Variants in HPSE2 observed in about 807,000 individuals in gnomAD.
The protein encoded by HPSE2 is inactive heparanase-2.
In HPSE2, 38 loss-of-function variants were observed where a neutral mutation model predicts 60.5. The ratio of observed to expected loss-of-function variants is 0.63; its 90% CI spans 0.48 to 0.82. HPSE2 has a LOEUF of 0.82. Ranked by LOEUF, HPSE2 falls within the 40% of genes least tolerant of loss-of-function variation. The pLI, the probability that HPSE2 is intolerant of heterozygous loss-of-function variation, is 0.00. For synonymous variants in HPSE2, 295 were observed against 293.2 expected, an observed-to-expected ratio of 1.01 and a Z score of -0.06; for missense variants, 713 against 740.4, an observed-to-expected ratio of 0.96 and a Z score of 0.43.
chr10:98,605,633 G>A lies in HPSE2; in HGVS notation c.1320+9271C>T, dbSNP rs577428485. Among the ~76,000 whole-genome samples, 4 of 152,306 alleles carry A rather than the reference G, an allele frequency of 2.6e-5. No homozygotes were observed. In the South Asian group the frequency reaches 8.3e-4, roughly 32 times the overall value. On this transcript the variant is annotated intron_variant, in intron 9 of 11. Coordinates refer to ENST00000370552, the MANE Select transcript of HPSE2 (RefSeq NM_021828.5). ...TTCAGTCGGGGATCCCAGATAAAGG[G>A]CCAGGCAGTGAGATACACCACTATT... is the stretch of plus-strand genomic sequence containing the variant.
intron 3 of HPSE2, among the ~76,000 whole-genome samples, chr10:98,979,411 T>TA (rs913622803): frequency 1.3e-5 from 2 of 152,134 alleles, no homozygotes; most frequent in Admixed American, 1.3e-4. Context: ...ACCTATTTTT[T>TA]AAAAAATAAG....
At chr10:99,258,975 A>G in the HPSE2 span, among the ~76,000 whole-genome samples, 1 of 152,224 alleles carries the variant, frequency 6.6e-6, no homozygotes, top group African/African-American at 2.4e-5. Flanking sequence ...ATGCAACACA[A>G]TAAGCAAAAC....
chr10:99,027,741 T>G (rs964487068), intron 3 of HPSE2, among the ~76,000 whole-genome samples: 1 of 149,684 alleles, frequency 6.7e-6, no homozygotes, highest in South Asian at 2.1e-4. Context: ...TGATGAATAC[T>G]GATGCAAAAA....
intron 3 of HPSE2, among the ~76,000 whole-genome samples, chr10:98,934,857 G>C (rs1954745957): frequency 7.0e-6 from 1 of 143,460 alleles, no homozygotes; most frequent in Non-Finnish European, 1.5e-5. Context: ...AAGTTGCCCT[G>C]GATGATATCC....
chr10:98,662,936 T>A (rs1947262960), intron 6 of HPSE2, among the ~76,000 whole-genome samples: 1 of 151,960 alleles, frequency 6.6e-6, no homozygotes, highest in African/African-American at 2.4e-5. Flanking sequence ...TTAGAAAGAT[T>A]TAAAAAACAA....
chr10:98,642,286 T>A (rs1946659407), intron 6 of HPSE2, among the ~76,000 whole-genome samples: 1 of 152,152 alleles, frequency 6.6e-6, no homozygotes, highest in South Asian at 2.1e-4. Flanking sequence ...ACCCATCCCA[T>A]GCCCATCACT....
At chr10:98,516,498 G>A (rs1942606634) in intron 9 of HPSE2, among the ~76,000 whole-genome samples, 1 of 152,142 alleles carries the variant, frequency 6.6e-6, no homozygotes, top group Admixed American at 6.5e-5. Context: ...GCCAGAAGGG[G>A]AAAAACATCT....
chr10:98,815,330 T>C (rs1394816884), intron 3 of HPSE2, among the ~76,000 whole-genome samples: 2 of 152,142 alleles, frequency 1.3e-5, no homozygotes, highest in Non-Finnish European at 2.9e-5. Context: ...ACAGGCAGTA[T>C]ATAACAGGTA....
intron 3 of HPSE2, among the ~76,000 whole-genome samples, chr10:98,746,903 G>C (rs60421270): frequency 0.42 from 63,780 of 151,682 alleles, 14,959 homozygotes; most frequent in South Asian, 0.56. Flanking sequence ...TAAGAAACTG[G>C]CCAAACTAAA....
At chr10:98,779,283 A>G (rs1950413207) in intron 3 of HPSE2, among the ~76,000 whole-genome samples, 2 of 152,192 alleles carry the variant, frequency 1.3e-5, no homozygotes, top group Non-Finnish European at 2.9e-5. Flanking sequence ...ATACTTTTAA[A>G]TCACTCAATC....
chr10:99,053,964 G>A (rs905270330), intron 3 of HPSE2, among the ~76,000 whole-genome samples: 1 of 150,772 alleles, frequency 6.6e-6, no homozygotes, highest in East Asian at 2.0e-4. Flanking sequence ...TCGAACTCCC[G>A]AGCTCAGGCA....
intron 3 of HPSE2, among the ~76,000 whole-genome samples, chr10:98,765,269 A>G (rs1011019197): frequency 2.0e-5 from 3 of 152,172 alleles, no homozygotes; most frequent in Admixed American, 2.0e-4. Context: ...CCATAACTTA[A>G]GCAAATATAA....
chr10:98,474,467 C>T lies in HPSE2; in HGVS notation c.1613+8169G>A, dbSNP rs1029293420. 4.6e-5 allele frequency among the ~76,000 whole-genome samples: 7 copies of T among 152,110 alleles called. No homozygotes were observed. In the South Asian group the frequency reaches 1.2e-3, roughly 27 times the overall value. The stretch of plus-strand genomic sequence containing the variant: ...CGAAGATATTTTTAAAGTCTTAGCA[C>T]CTGGGAGTTACTTGAGTATTTTCAG... On this transcript the variant is annotated intron_variant, in intron 11 of 11. Transcript: ENST00000370552.
At chr10:99,057,478 T>C (rs1032442199) in intron 3 of HPSE2, among the ~76,000 whole-genome samples, 21 of 152,168 alleles carry the variant, frequency 1.4e-4, no homozygotes, top group African/African-American at 2.9e-4. Context: ...TGGGATTTGA[T>C]CTGTCATCTG....
At chr10:99,065,841 A>G (rs1408668742) in intron 3 of HPSE2, among the ~76,000 whole-genome samples, 3 of 152,228 alleles carry the variant, frequency 2.0e-5, no homozygotes, top group African/African-American at 7.2e-5. Context: ...ATAAGCAATG[A>G]TGTTGGGAAC....
chr10:98,581,593 T>C lies in HPSE2; in HGVS notation c.1320+33311A>G, dbSNP rs113143677. ...TTTACCACAGATATGATTAAATCCA[T>C]GCAGGCTTATGCAACTGTGGCATCC... On this transcript the variant is annotated intron_variant, in intron 9 of 11. Transcript: ENST00000370552. Among the ~76,000 whole-genome samples, 583 of 152,332 alleles carry C rather than the reference T, an allele frequency of 3.8e-3. 3 individuals are homozygous for C. The highest frequency in any genetic ancestry group is 0.014 in the African/African-American group (563 of 41,584).
intron 2 of HPSE2, among the ~76,000 whole-genome samples, chr10:99,188,318 T>C (rs774024536): frequency 6.6e-6 from 1 of 152,074 alleles, no homozygotes; most frequent in Non-Finnish European, 1.5e-5. Context: ...GAAGAAACTT[T>C]TTGAGGAATA....
chr10:98,920,964 G>A (rs568563475), intron 3 of HPSE2, among the ~76,000 whole-genome samples: 1 of 152,262 alleles, frequency 6.6e-6, no homozygotes, highest in Admixed American at 6.5e-5. Flanking sequence ...CATTGCCTTA[G>A]AGTCAACACA....
intron 2 of HPSE2, among the ~76,000 whole-genome samples, chr10:99,192,425 G>C (rs945044926): frequency 1.2e-4 from 19 of 152,218 alleles, no homozygotes; most frequent in African/African-American, 3.1e-4. Flanking sequence ...AAATCGTATG[G>C]GCCAGGAAAG....
Sources: gnomAD v4.1 joint callset for allele counts (sites outside exome capture counted in the v4.1 genomes callset) on GRCh38, gnomAD v4.1.1 for gene constraint, MANE v1.5 for transcripts, NCBI Gene and HGNC (gene_info 2026-07-23, HGNC 2026-07-21) for gene names.